Variants in RFX3 observed in about 807,000 individuals in gnomAD.
RFX3 encodes the protein regulatory factor X3.
Under a neutral mutation model 98.6 loss-of-function variants are expected in RFX3, and 14 were observed. That is an observed-to-expected ratio of 0.14 (90% CI 0.09 to 0.22). RFX3 has a LOEUF of 0.22. RFX3 is among the 10% of genes least tolerant of loss of function. The pLI is 1.00. For missense variants in RFX3, 639 were observed against 926.9 expected (o/e 0.69, Z 4.03); for synonymous variants, 383 against 328.4 (o/e 1.17, Z -1.80).
intron 5 of RFX3, among the ~76,000 whole-genome samples, chr9:3,297,360 C>G (rs1563881796): frequency 6.6e-6 from 1 of 151,878 alleles, no homozygotes; most frequent in Non-Finnish European, 1.5e-5. Flanking sequence ...CTTGATTACT[C>G]TACTTATGAA....
intron 2 of RFX3, among the ~76,000 whole-genome samples, chr9:3,351,513 T>C (rs927141502): frequency 6.6e-6 from 1 of 151,862 alleles, no homozygotes; most frequent in African/African-American, 2.4e-5. Flanking sequence ...TTAGGACAAC[T>C]AACAACATAA....
intron 2 of RFX3, among the ~76,000 whole-genome samples, chr9:3,372,728 G>A (rs1745415091): frequency 6.6e-6 from 1 of 151,858 alleles, no homozygotes; most frequent in African/African-American, 2.4e-5. Flanking sequence ...TGGGAGTACA[G>A]GTGCCCGCCA....
intron 10 of RFX3, 77 bp from the exon 11 acceptor site, chr9:3,270,602 A>T: frequency 7.1e-7 from 1 of 1,417,376 alleles, no homozygotes; most frequent in Non-Finnish European, 9.7e-7. Context: ...AAATAGTTTA[A>T]GTTTACCAAA....
chr9:3,318,399 C>T (rs952050377), intron 4 of RFX3, among the ~76,000 whole-genome samples: 1 of 151,992 alleles, frequency 6.6e-6, no homozygotes, highest in Non-Finnish European at 1.5e-5. Context: ...GGAGGGATAG[C>T]ATTAGGAGAT....
At chr9:3,286,089 T>C (rs999643077) in intron 7 of RFX3, among the ~76,000 whole-genome samples, 1 of 151,878 alleles carries the variant, frequency 6.6e-6, no homozygotes, top group African/African-American at 2.4e-5. Context: ...ATTAAGTTTT[T>C]ATTCATACTT....
At chr9:3,475,288 A>G (rs912799200) in intron 1 of RFX3, among the ~76,000 whole-genome samples, 5 of 151,982 alleles carry the variant, frequency 3.3e-5, no homozygotes, top group African/African-American at 4.8e-5. Context: ...AAATAAAGAC[A>G]CAAGACAAAG....
At chr9:3,247,836 T>C (rs1160339411) in intron 15 of RFX3, 196 bp downstream of exon 15, 1 of 1,605,098 alleles carries the variant, frequency 6.2e-7, no homozygotes. Context: ...TAATCCACAA[T>C]TTTAGAATCT....
chr9:3,409,648 T>C (rs1181288948), intron 1 of RFX3, among the ~76,000 whole-genome samples: 4 of 152,176 alleles, frequency 2.6e-5, no homozygotes, highest in Admixed American at 6.6e-5. Flanking sequence ...TTTGGTAAAT[T>C]TAACAAAATG....
intron 1 of RFX3, among the ~76,000 whole-genome samples, chr9:3,457,139 C>CAAAAAAAAAAA (rs1169959832): frequency 3.1e-4 from 7 of 22,810 alleles, no homozygotes; most frequent in East Asian, 1.1e-3. Context: ...GACTCCATCT[C>CAAAAAAAAAAA]AAAAAAAAAA....
intron 11 of RFX3, among the ~76,000 whole-genome samples, chr9:3,268,372 C>T (rs893310227): frequency 6.6e-6 from 1 of 151,692 alleles, no homozygotes; most frequent in South Asian, 2.1e-4. Context: ...CAGATTGACT[C>T]TGACAACTTT....
At chr9:3,273,917 C>A (rs1824859434) in intron 9 of RFX3, among the ~76,000 whole-genome samples, 1 of 150,702 alleles carries the variant, frequency 6.6e-6, no homozygotes, top group East Asian at 1.9e-4. Context: ...GTAAGGTTCA[C>A]TTGAACACAT....
At chr9:3,329,036 C>T (rs1288607672) in intron 4 of RFX3, among the ~76,000 whole-genome samples, 2 of 152,122 alleles carry the variant, frequency 1.3e-5, no homozygotes, top group Non-Finnish European at 2.9e-5. Context: ...GAAGTTCAGG[C>T]TACAAAGTTT....
chr9:3,297,322 T>G (rs542510670), intron 5 of RFX3, among the ~76,000 whole-genome samples: 1 of 152,214 alleles, frequency 6.6e-6, no homozygotes, highest in South Asian at 2.1e-4. Flanking sequence ...TAAAATAACA[T>G]AGGAACTTTT....
At chr9:3,313,817 T>A (rs1830249495) in intron 4 of RFX3, among the ~76,000 whole-genome samples, 1 of 151,954 alleles carries the variant, frequency 6.6e-6, no homozygotes, top group African/African-American at 2.4e-5. Context: ...AAGAGAAGTT[T>A]AGAAAAAACA....
chr9:3,385,340 T>G (rs1212650431), intron 2 of RFX3, among the ~76,000 whole-genome samples: 2 of 152,194 alleles, frequency 1.3e-5, no homozygotes, highest in African/African-American at 4.8e-5. Context: ...AGAAATTGTA[T>G]GTCTCTAAGA....
intron 15 of RFX3, among the ~76,000 whole-genome samples, chr9:3,246,376 A>G (rs1209168972): frequency 6.6e-6 from 1 of 152,108 alleles, no homozygotes; most frequent in African/African-American, 2.4e-5. Flanking sequence ...CTGTGCAAGC[A>G]TACCAGGAGG....
intron 1 of RFX3, among the ~76,000 whole-genome samples, chr9:3,511,836 AC>A (rs1436479876): frequency 2.0e-5 from 3 of 152,054 alleles, no homozygotes; most frequent in Non-Finnish European, 2.9e-5. Flanking sequence ...CAATTACTAA[AC>A]AAAAGATATG....
At chr9:3,520,219 T>C (rs922103499) in intron 1 of RFX3, among the ~76,000 whole-genome samples, 5 of 152,244 alleles carry the variant, frequency 3.3e-5, no homozygotes, top group Non-Finnish European at 7.3e-5. Context: ...AACATAGTGT[T>C]ACTTTAATAA....
At chr9:3,275,711 T>G in intron 8 of RFX3, 99 bp from the exon 9 acceptor site, 1 of 632,384 alleles carries the variant, frequency 1.6e-6, no homozygotes, top group Non-Finnish European at 2.7e-6. Context: ...AAAAACAAAT[T>G]TTAAAGGTCA....
Sources: gnomAD v4.1 joint callset for allele counts (sites outside exome capture counted in the v4.1 genomes callset) on GRCh38, gnomAD v4.1.1 for gene constraint, MANE v1.5 for transcripts, NCBI Gene and HGNC (gene_info 2026-07-23, HGNC 2026-07-21) for gene names.